NAA60: variants seen among roughly 807,000 people sequenced by gnomAD.
NAA60 encodes N-alpha-acetyltransferase 60.
Under a neutral mutation model 26.1 loss-of-function variants are expected in NAA60, and 8 were observed. That is an observed-to-expected ratio of 0.31 (90% CI 0.18 to 0.55). The LOEUF (loss-of-function observed/expected upper bound fraction) is 0.55, where lower values mean the gene tolerates loss of function less well. Among genes scored for constraint, NAA60 ranks in the 20% least tolerant of loss-of-function variants. NAA60 has a pLI of 0.93. For missense variants in NAA60, 290 were observed against 311.3 expected (o/e 0.93, Z 0.51); for synonymous variants, 131 against 122.5 (o/e 1.07, Z -0.46).
intron 2 of NAA60, among the ~76,000 whole-genome samples, chr16:3,451,876 C>A (rs1046225347): frequency 6.6e-6 from 1 of 151,282 alleles, no homozygotes; most frequent in Admixed American, 6.6e-5. Flanking sequence ...TGAGACCACA[C>A]GACTGCATTC....
intron 3 of NAA60, among the ~76,000 whole-genome samples, chr16:3,477,420 C>A (rs1165094353): frequency 6.6e-6 from 1 of 152,232 alleles, no homozygotes; most frequent in Non-Finnish European, 1.5e-5. Context: ...CTTGGCAGGG[C>A]GGTGGCAGGG....
chr16:3,479,704 G>A, intron 4 of NAA60, 104 bp downstream of exon 4: 1 of 1,390,898 alleles, frequency 7.2e-7, no homozygotes. Flanking sequence ...GTCGTCCAAG[G>A]AGCCTGTGAC....
At chr16:3,443,915 C>G in intron 1 of NAA60, 78 bp downstream of exon 1, 1 of 1,461,984 alleles carries the variant, frequency 6.8e-7, no homozygotes, top group South Asian at 1.4e-5. Context: ...GGCGGGGGTT[C>G]GGGCCTAGCC....
At position 3,459,739 on chromosome 16, in the gene NAA60, TAA is replaced by T. The variant is rs200716693; in HGVS notation, c.-7+11202_-7+11203del. Among the ~76,000 whole-genome samples the T allele has an allele frequency of 9.4e-3, 1,431 of 152,032 alleles. 34 individuals carry two copies. The highest frequency in any genetic ancestry group is 0.033 in the African/African-American group (1,372 of 41,526). Reference sequence around the variant, plus strand: ...ATGGTCTGGTATCAGCATGCCAGAATAAAACACACAGACAGCTTTTTAAAAGG... The same window carrying T: ...ATGGTCTGGTATCAGCATGCCAGAATAACACACAGACAGCTTTTTAAAAGG... On this transcript the variant is annotated intron_variant, in intron 2 of 7. Coordinates refer to ENST00000407558, the MANE Select transcript of NAA60 (RefSeq NM_001083601.3).
In NAA60 at chr16:3,468,542, T is replaced by C. The variant is rs1225521428; in HGVS notation, c.-6-7680T>C. On this transcript the variant is annotated intron_variant, in intron 2 of 7. Transcript: ENST00000407558. ...ACCGTGTCCGGAGAGGTCATTTCCATGTAAAAGAAATATGAGGTCTACAGG... is the reference window on the plus strand; with the variant it reads ...ACCGTGTCCGGAGAGGTCATTTCCACGTAAAAGAAATATGAGGTCTACAGG... Among the ~76,000 whole-genome samples the C allele has an allele frequency of 6.6e-5, 10 of 152,230 alleles. No individual in the cohort carries two copies. The East Asian group carries it at 1.9e-3, about 29-fold the overall frequency.
intron 2 of NAA60, among the ~76,000 whole-genome samples, chr16:3,474,775 C>G (rs2036373751): frequency 6.6e-6 from 1 of 152,232 alleles, no homozygotes; most frequent in South Asian, 2.1e-4. Context: ...TTGACTCCGT[C>G]ATTTCTGTTG....
At chr16:3,466,680 A>T (rs2035784430) in intron 2 of NAA60, among the ~76,000 whole-genome samples, 1 of 152,008 alleles carries the variant, frequency 6.6e-6, no homozygotes, top group Admixed American at 6.6e-5. Context: ...ATCTCCCTTG[A>T]GCTTCTCTTG....
chr16:3,458,049 C>G, intron 2 of NAA60: 7 of 985,276 alleles, frequency 7.1e-6, no homozygotes, highest in Non-Finnish European at 8.4e-6. Flanking sequence ...GCTGCCGCCT[C>G]CGTCCCGGCT....
chr16:3,479,176 G>A (rs1293497174), intron 3 of NAA60, among the ~76,000 whole-genome samples: 1 of 152,190 alleles, frequency 6.6e-6, no homozygotes, highest in African/African-American at 2.4e-5. Flanking sequence ...GGAGGCAACG[G>A]TTGCAGTGAG....
intron 2 of NAA60, among the ~76,000 whole-genome samples, chr16:3,472,725 T>C (rs2036233094): frequency 6.6e-6 from 1 of 152,132 alleles, no homozygotes; most frequent in Non-Finnish European, 1.5e-5. Context: ...GAGCCACCGC[T>C]CCTGGCCCTG....
At chr16:3,480,368 G>A (rs748001225) in intron 4 of NAA60, among the ~76,000 whole-genome samples, 6 of 152,054 alleles carry the variant, frequency 3.9e-5, no homozygotes, top group Non-Finnish European at 8.8e-5. Flanking sequence ...AGGCCGAGGC[G>A]GGCAGATCAT....
At chr16:3,485,281 A>G (rs1293270159) in intron 7 of NAA60, 186 bp from the exon 8 acceptor site, 1 of 591,370 alleles carries the variant, frequency 1.7e-6, no homozygotes. Context: ...CTTTGGATCC[A>G]TCAGTGCCTT....
chr16:3,446,479 C>T (rs1478542282), intron 1 of NAA60, among the ~76,000 whole-genome samples: 5 of 144,132 alleles, frequency 3.5e-5, no homozygotes, highest in African/African-American at 5.2e-5. Flanking sequence ...TGCAGTGAGC[C>T]GAGATCACAC....
rs2035811767 is a variant in NAA60, at chr16:3,467,086, T to C, written c.-6-9136T>C. 2.0e-5 allele frequency among the ~76,000 whole-genome samples: 3 copies of C among 151,990 alleles called. No individual in the cohort carries two copies. In the South Asian group the frequency reaches 6.2e-4, roughly 32 times the overall value. On this transcript the variant is annotated intron_variant, in intron 2 of 7. Transcript: ENST00000407558. The stretch of plus-strand genomic sequence containing the variant: ...ATTGAAAATGTCAGACAGTGGGTGC[T>C]TGGGCCAGAGAGAAAGAGCCTGAGG...
At position 3,468,637 on chromosome 16, in the gene NAA60, T is replaced by C. The variant is rs139880264; in HGVS notation, c.-6-7585T>C. ...GCCGAGGCGCAAGCACGGCTTTTGT[T>C]TGGGTCAAGCAGGATCAGTGCCTCC... On this transcript the variant is annotated intron_variant, in intron 2 of 7. Transcript: ENST00000407558. 4.4e-3 allele frequency among the ~76,000 whole-genome samples: 666 copies of C among 152,302 alleles called. 6 individuals carry two copies. Among genetic ancestry groups the C allele is most frequent in the African/African-American group, 0.015 (625 of 41,574 alleles).
At chr16:3,466,822 C>G (rs1225363636) in intron 2 of NAA60, among the ~76,000 whole-genome samples, 1 of 152,088 alleles carries the variant, frequency 6.6e-6, no homozygotes, top group Non-Finnish European at 1.5e-5. Context: ...CCTGGAGGGG[C>G]TCTGGATTTT....
At chr16:3,481,153 A>ACTAT (rs2036804414) in intron 4 of NAA60, among the ~76,000 whole-genome samples, 1 of 151,620 alleles carries the variant, frequency 6.6e-6, no homozygotes, top group African/African-American at 2.4e-5. Flanking sequence ...ACGGAGTCTC[A>ACTAT]CTATCACCCA....
At chr16:3,461,621 A>G (rs1015629404) in intron 2 of NAA60, among the ~76,000 whole-genome samples, 2 of 152,166 alleles carry the variant, frequency 1.3e-5, no homozygotes, top group Admixed American at 6.5e-5. Flanking sequence ...AAACCCCCAT[A>G]CACTTGGAAT....
chr16:3,463,482 G>A (rs768737915), intron 2 of NAA60, among the ~76,000 whole-genome samples: 1 of 151,370 alleles, frequency 6.6e-6, no homozygotes, highest in East Asian at 1.9e-4. Context: ...AGCCCAGGAG[G>A]TGGAGGTTGC....
Sources: gnomAD v4.1 joint callset for allele counts (sites outside exome capture counted in the v4.1 genomes callset) on GRCh38, gnomAD v4.1.1 for gene constraint, MANE v1.5 for transcripts, NCBI Gene and HGNC (gene_info 2026-07-23, HGNC 2026-07-21) for gene names.